Variants in DOCK3 observed in about 807,000 individuals in gnomAD.
The protein encoded by DOCK3 is dedicator of cytokinesis protein 3.
A neutral mutation model predicts 265.6 loss-of-function variants in DOCK3; 60 were observed. The observed-to-expected ratio is 0.23, with a 90% CI of 0.18 to 0.28. The LOEUF is 0.28. DOCK3 is among the 10% of genes least tolerant of loss of function. The pLI is 1.00. For missense variants in DOCK3, 1,981 were observed against 2,594.3 expected (o/e 0.76, Z 5.14); for synonymous variants, 881 against 938.0 (o/e 0.94, Z 1.11).
At chr3:50,746,109 A>T (rs1464907847) in intron 1 of DOCK3, among the ~76,000 whole-genome samples, 6 of 135,460 alleles carry the variant, frequency 4.4e-5, no homozygotes, top group Admixed American at 1.5e-4. Flanking sequence ...ATGATGTCTA[A>T]TTTTTTTTTT....
chr3:50,675,373 C>T lies in DOCK3; in HGVS notation c.37+73C>T. On this transcript the variant is annotated intron_variant, in intron 1 of 52. Transcript: ENST00000266037. This position sits in a 1 kb window ranked among gnomAD's most constrained non-coding sequence, Gnocchi z 6.1. Reference sequence around the variant, plus strand: ...CCCAGCTCCCGGCCCCGCCTGGATTCGCATCCTCGTGCCCCCGCCACTGCC... The same window carrying T: ...CCCAGCTCCCGGCCCCGCCTGGATTTGCATCCTCGTGCCCCCGCCACTGCC... 1 of 1,148,122 alleles carries T rather than the reference C, an allele frequency of 8.7e-7. No homozygotes were observed. The highest frequency in any genetic ancestry group is 1.1e-6 in the Non-Finnish European group (1 of 920,124). 71.1% of individuals were successfully genotyped at this position (1,148,122 alleles called of 1,614,324 possible).
chr3:50,996,224 T>C (rs866799609), intron 5 of DOCK3, among the ~76,000 whole-genome samples: 9 of 140,612 alleles, frequency 6.4e-5, no homozygotes, highest in African/African-American at 1.5e-4. Context: ...TTTTCTTAAC[T>C]TTTTTTTTTT....
At chr3:51,041,256 C>T (rs1480799359) in intron 5 of DOCK3, among the ~76,000 whole-genome samples, 4 of 112,970 alleles carry the variant, frequency 3.5e-5, no homozygotes, top group Admixed American at 1.1e-4. Context: ...TTCGCTCTGT[C>T]GCCCAGGCTA....
Position 51,252,061 on chromosome 3 carries a change from G to A in DOCK3, c.2184+5254G>A, listed in dbSNP as rs547385663. Among the ~76,000 whole-genome samples the A allele has an allele frequency of 3.3e-5, 5 of 152,298 alleles. No individual in the cohort carries two copies. In the South Asian group the frequency reaches 1.0e-3, roughly 32 times the overall value. ...GTATAAGGTGTAAGGAAGGGATCCA[G>A]TTTCAGCTTTCTACATATGGCTAGC... On this transcript the variant is annotated intron_variant, in intron 22 of 52. Transcript: ENST00000266037.
chr3:50,698,884 A>C (rs916533544), intron 1 of DOCK3, among the ~76,000 whole-genome samples: 4 of 151,918 alleles, frequency 2.6e-5, no homozygotes, highest in African/African-American at 7.3e-5. Context: ...GGGGTTCTCT[A>C]TATATTCTAG....
chr3:51,090,513 C>A, intron 9 of DOCK3, 129 bp downstream of exon 9: 1 of 1,027,250 alleles, frequency 9.7e-7, no homozygotes, highest in Non-Finnish European at 1.3e-6. Flanking sequence ...ATCTCATTAG[C>A]TAGGAGTTTT....
intron 9 of DOCK3, among the ~76,000 whole-genome samples, chr3:51,136,491 G>C (rs939982846): frequency 2.6e-5 from 4 of 152,000 alleles, no homozygotes; most frequent in Non-Finnish European, 5.9e-5. Flanking sequence ...ACCCGTCTCG[G>C]CCTCCCAAAG....
intron 1 of DOCK3, among the ~76,000 whole-genome samples, chr3:50,709,108 A>G (rs1306514049): frequency 6.6e-6 from 1 of 152,238 alleles, no homozygotes; most frequent in Non-Finnish European, 1.5e-5. Context: ...AATCCTGAAA[A>G]TAGTCAAGAG....
chr3:51,211,823 G>A (rs754801873), intron 13 of DOCK3, among the ~76,000 whole-genome samples: 5 of 152,254 alleles, frequency 3.3e-5, no homozygotes, highest in Admixed American at 6.5e-5. Context: ...ATAAACATAC[G>A]TGTGCATGTG....
chr3:51,345,313 T>C (rs185513020), intron 38 of DOCK3, among the ~76,000 whole-genome samples: 2 of 152,314 alleles, frequency 1.3e-5, no homozygotes, highest in African/African-American at 4.8e-5. Flanking sequence ...TCAGGGTCTA[T>C]TTGAAATTCT....
At chr3:50,683,590 G>T (rs762560230) in intron 1 of DOCK3, among the ~76,000 whole-genome samples, 45 of 152,180 alleles carry the variant, frequency 3.0e-4, no homozygotes, top group Non-Finnish European at 6.2e-4. Context: ...ATAATGTTTG[G>T]GGTTAGGATG....
chr3:50,936,493 A>G (rs573053569), intron 5 of DOCK3, among the ~76,000 whole-genome samples: 4 of 152,244 alleles, frequency 2.6e-5, no homozygotes, highest in East Asian at 1.9e-4. Context: ...CCCCAAAGAA[A>G]TCTATACTCA....
At chr3:51,177,860 G>A (rs770839110) in intron 12 of DOCK3, among the ~76,000 whole-genome samples, 4 of 151,858 alleles carry the variant, frequency 2.6e-5, no homozygotes, top group African/African-American at 4.8e-5. Context: ...GCATAGTGGC[G>A]CATGCCTGTA....
At position 51,358,011 on chromosome 3, in the gene DOCK3, A is replaced by G; in HGVS notation, c.4818A>G (p.Pro1606=). The G allele has an allele frequency of 2.5e-6, 4 of 1,614,024 alleles. No homozygotes were observed. The highest frequency in any genetic ancestry group is 2.5e-6 in the Non-Finnish European group (3 of 1,179,894). The part of the protein sequence containing the change: ...GLAVHEKFVH[P]EMRPLHKKLI... The stretch of plus-strand genomic sequence containing the variant: ...CAGTTCATGAGAAGTTTGTGCACCC[A>G]GAAATGCGGCCTCTGCATAAGAAGC... Residue 1606 remains proline (P), a synonymous_variant, in exon 46 of 53, where the codon CCA becomes CCG. Coordinates refer to ENST00000266037, the MANE Select transcript of DOCK3 (RefSeq NM_004947.5).
intron 1 of DOCK3, among the ~76,000 whole-genome samples, chr3:50,740,912 C>T (rs1181454827): frequency 1.3e-5 from 2 of 151,928 alleles, no homozygotes; most frequent in Admixed American, 6.6e-5. Flanking sequence ...CAGTGTGTAG[C>T]CATCACCACT....
At chr3:51,142,477 T>TG (rs2085108283) in intron 9 of DOCK3, among the ~76,000 whole-genome samples, 1 of 152,214 alleles carries the variant, frequency 6.6e-6, no homozygotes. Context: ...GCAACATAAA[T>TG]GGAGACATAG....
intron 2 of DOCK3, among the ~76,000 whole-genome samples, chr3:50,818,667 G>A (rs536161948): frequency 4.6e-5 from 7 of 152,220 alleles, no homozygotes; most frequent in Non-Finnish European, 1.0e-4. Context: ...GCTTCACTGG[G>A]ACAGGAAGGG....
chr3:50,808,997 A>AATTCACCTT (rs1333242002), intron 2 of DOCK3, among the ~76,000 whole-genome samples: 8 of 152,232 alleles, frequency 5.3e-5, no homozygotes, highest in Non-Finnish European at 1.0e-4. Flanking sequence ...ATGTAAAAAT[A>AATTCACCTT]ATTCACCTTG....
chr3:50,959,558 GTATA>G (rs35114347), intron 5 of DOCK3, among the ~76,000 whole-genome samples: 51 of 139,486 alleles, frequency 3.7e-4, no homozygotes, highest in South Asian at 9.5e-4. Context: ...GTGTGTGTGT[GTATA>G]TATATATAAA....
Sources: gnomAD v4.1 joint callset for allele counts (sites outside exome capture counted in the v4.1 genomes callset) on GRCh38, gnomAD v4.1.1 for gene constraint, Gnocchi (gnomAD v3.1) non-coding constraint, MANE v1.5 for transcripts, NCBI Gene and HGNC (gene_info 2026-07-23, HGNC 2026-07-21) for gene names.